Variants in PODN observed in about 807,000 individuals in gnomAD.
PODN encodes podocan proteoglycan.
In PODN, 40 loss-of-function variants were observed where a neutral mutation model predicts 52.7. The ratio of observed to expected loss-of-function variants is 0.76; its 90% CI spans 0.59 to 0.99. PODN has a LOEUF of 0.99. Among genes scored for constraint, PODN ranks in the 50% least tolerant of loss-of-function variants. PODN has a pLI of 0.00. For missense variants in PODN, 720 were observed against 815.1 expected (o/e 0.88, Z 1.42); for synonymous variants, 396 against 377.9 (o/e 1.05, Z -0.56).
intron 1 of PODN, 94 bp from the exon 2 acceptor site, chr1:53,069,707 C>T (rs1644082864): frequency 6.8e-7 from 1 of 1,468,960 alleles, no homozygotes; most frequent in African/African-American, 1.4e-5. Context: ...ATCGGCTGGG[C>T]TCTGAGGACA....
intron 1 of PODN, chr1:53,063,249 G>C (rs1417445490): frequency 1.7e-6 from 1 of 593,098 alleles, no homozygotes; most frequent in Non-Finnish European, 2.1e-6. Flanking sequence ...AGCAAGGGGC[G>C]AGCACCCCGG....
rs780959803 is a variant in PODN at position 53,078,753 on chromosome 1, C to A, written c.1243C>A (p.Arg415Ser). The A allele has an allele frequency of 1.2e-6, 2 of 1,613,424 alleles. No homozygotes were observed. The highest frequency in any genetic ancestry group is 1.3e-5 in the African/African-American group (1 of 75,070). The change falls in exon 8 of 11, where the codon CGC becomes AGC. Residue 415 changes from arginine (R) to serine (S), a missense_variant. Coordinates refer to ENST00000312553, the MANE Select transcript of PODN (RefSeq NM_153703.5). ...GGAGGAGCTCAACCTCAGCTACAAC[C>A]GCATCACCAGCCCGCAGGTGCACCG... The part of the protein sequence containing the change: ...FLEELNLSYN[R>S]ITSPQVHRDA...
chr1:53,075,985 G>C lies in PODN; in HGVS notation c.581+14G>C. ...GCCAAACTTGAGGTCAGAGGTCGGG[G>C]GTGGTCAGGGCTCGGGCTGGGGCAA... On this transcript the variant is annotated intron_variant, in intron 5 of 10. Transcript: ENST00000312553. The C allele has an allele frequency of 2.6e-6, 4 of 1,560,950 alleles. No individual in the cohort carries two copies. The highest frequency in any genetic ancestry group is 3.5e-6 in the Non-Finnish European group (4 of 1,148,202).
chr1:53,076,313 G>A (rs747676177), intron 5 of PODN, among the ~76,000 whole-genome samples: 7 of 152,230 alleles, frequency 4.6e-5, no homozygotes, highest in Non-Finnish European at 8.8e-5. Context: ...GAGCAGTGTG[G>A]TGCAGGCGGG....
At chr1:53,065,767 A>C (rs769915389) in intron 1 of PODN, among the ~76,000 whole-genome samples, 1 of 152,060 alleles carries the variant, frequency 6.6e-6, no homozygotes, top group Non-Finnish European at 1.5e-5. Flanking sequence ...CCTAGTCCCT[A>C]TCCCCCACCT....
At chr1:53,067,030 G>A (rs943078530) in intron 1 of PODN, among the ~76,000 whole-genome samples, 5 of 152,208 alleles carry the variant, frequency 3.3e-5, no homozygotes, top group African/African-American at 1.2e-4. Context: ...TGGCTGTTGA[G>A]CTGGCCGTGG....
In PODN at chr1:53,069,927, C is replaced by G; in HGVS notation, c.72C>G (p.Ala24=). 1.3e-6 allele frequency: 2 copies of G among 1,579,894 alleles called. No homozygotes were observed. Among genetic ancestry groups the G allele is most frequent in the Non-Finnish European group, 1.7e-6 (2 of 1,163,368 alleles). ...PPQLHLGPVL[A]VRAPGFGRSG... ...AGCTGCACCTGGGACCTGTGCTTGC[C>G]GTGAGGGCCCCAGGATTTGGCCGAA... Residue 24 remains alanine, a synonymous_variant, in exon 2 of 11, where the codon GCC becomes GCG. Coordinates refer to ENST00000312553, the MANE Select transcript of PODN (RefSeq NM_153703.5).
chr1:53,066,705 C>A, intron 1 of PODN: 1 of 1,015,804 alleles, frequency 9.8e-7, no homozygotes, highest in Non-Finnish European at 1.4e-6. Context: ...CAGCTGTTCA[C>A]TGGCTGACCC....
intron 9 of PODN, among the ~76,000 whole-genome samples, chr1:53,081,746 C>G (rs763577680): frequency 6.6e-6 from 1 of 152,188 alleles, no homozygotes. Context: ...GAGAGAGACC[C>G]CTCACTTTGC....
rs755091560 is a variant in PODN, at chr1:53,080,770, G to C, written c.1555G>C (p.Gly519Arg). The C allele has an allele frequency of 6.2e-7, 1 of 1,614,098 alleles. No individual in the cohort carries two copies. The highest frequency in any genetic ancestry group is 2.2e-5 in the East Asian group (1 of 44,876). The change falls in exon 9 of 11, where the codon GGG (glycine) becomes CGG (arginine). Residue 519 changes from glycine (G) to arginine (R), a missense_variant. Physicochemically the swap from Gly to Arg is moderately radical, Grantham distance 125. Transcript: ENST00000312553. ...AGNQLTEIPE[G>R]LPESLEYLYL... ...GAATCAGCTCACAGAGATCCCCGAG[G>C]GGCTCCCCGAGTCACTTGAGTACCT...
In PODN at chr1:53,074,588, G is replaced by A. The variant is rs748369733; in HGVS notation, c.407-18G>A. ...GTCTCCTCCATCCAGGGCTCTGACC[G>A]ATGCCTGTCCTTTGAAGGGCTCCCA... On this transcript the variant is annotated intron_variant, in intron 3 of 10. Transcript: ENST00000312553. 48 of 1,613,602 alleles carry A rather than the reference G, an allele frequency of 3.0e-5. No homozygotes were observed. The highest frequency in any genetic ancestry group is 3.3e-5 in the Admixed American group (2 of 59,996).
chr1:53,080,603 A>AC (rs1191671499), intron 8 of PODN, 125 bp from the exon 9 acceptor site: 19 of 1,012,480 alleles, frequency 1.9e-5, no homozygotes, highest in Middle Eastern at 3.0e-4. Context: ...AATTATAGAC[A>AC]CCCCCCCTCC....
chr1:53,076,032 C>G, intron 5 of PODN, 61 bp downstream of exon 5: 1 of 1,364,014 alleles, frequency 7.3e-7, no homozygotes, highest in South Asian at 1.2e-5. Context: ...GAGGTGGAGG[C>G]TGCCATCCTG....
chr1:53,080,012 A>G (rs1389630109), intron 8 of PODN, among the ~76,000 whole-genome samples: 4 of 151,150 alleles, frequency 2.6e-5, no homozygotes, highest in African/African-American at 9.7e-5. Context: ...AAAAAAAAAA[A>G]AAAAAAAGGA....
intron 8 of PODN, 97 bp from the exon 9 acceptor site, chr1:53,080,631 T>G: frequency 2.2e-6 from 3 of 1,339,104 alleles, no homozygotes; most frequent in Non-Finnish European, 3.1e-6. Context: ...AGGGTTATTG[T>G]TAGATTTAGA....
intron 4 of PODN, 80 bp downstream of exon 4, chr1:53,074,750 C>T: frequency 7.0e-7 from 1 of 1,430,736 alleles, no homozygotes; most frequent in Non-Finnish European, 9.7e-7. Context: ...GAACTTTCAC[C>T]AGGGCCTTTC....
chr1:53,075,981 C>A lies in PODN; in HGVS notation c.581+10C>A, dbSNP rs568302831. 1.3e-6 allele frequency: 2 copies of A among 1,564,450 alleles called. No individual in the cohort carries two copies. The highest frequency in any genetic ancestry group is 1.2e-5 in the South Asian group (1 of 85,888). On this transcript the variant is annotated intron_variant, in intron 5 of 10. Coordinates refer to ENST00000312553, the MANE Select transcript of PODN (RefSeq NM_153703.5). ...AGAAGCCAAACTTGAGGTCAGAGGTCGGGGGTGGTCAGGGCTCGGGCTGGG... is the reference window on the plus strand; with the variant it reads ...AGAAGCCAAACTTGAGGTCAGAGGTAGGGGGTGGTCAGGGCTCGGGCTGGG...
chr1:53,075,957 G>C lies in PODN; in HGVS notation c.567G>C (p.Gln189His). ...AGATCTATGGGCTCACCTTTGGCCA[G>C]AAGCCAAACTTGAGGTCAGAGGTCG... ...LTKIYGLTFGQKPNLRSVYLH... is the reference protein window; with the variant it reads ...LTKIYGLTFGHKPNLRSVYLH... Residue 189 changes from glutamine to histidine, a missense_variant, in exon 5 of 11, where the codon CAG (glutamine) becomes CAC (histidine). Gln to His is a conservative substitution (Grantham distance 24, BLOSUM62 0). Transcript: ENST00000312553. 1 of 1,593,296 alleles carries C rather than the reference G, an allele frequency of 6.3e-7. No individual in the cohort carries two copies. Among genetic ancestry groups the C allele is most frequent in the Non-Finnish European group, 8.6e-7 (1 of 1,167,750 alleles).
At position 53,069,728 on chromosome 1, in the gene PODN, G is replaced by C. The variant is rs1389156169; in HGVS notation, c.-55-73G>C. On this transcript the variant is annotated intron_variant, in intron 1 of 10. Transcript: ENST00000312553. ...TGGGCTCTGAGGACAGTCCAGAGTG[G>C]GCCCTGCTTTGTGCTCGGGAGGGCC... 5 of 1,504,830 alleles carry C rather than the reference G, an allele frequency of 3.3e-6. No homozygotes were observed. The East Asian group carries it at 9.9e-5, about 30-fold the overall frequency. The allele number at this position is 1,504,830 out of a possible 1,614,324, so 93.2% of individuals were successfully genotyped here. A position where few individuals can be genotyped will look rare whatever the true frequency, so the allele number is the denominator to read the frequency against.
Sources: allele counts gnomAD v4.1 joint callset (sites outside exome capture counted in the v4.1 genomes callset), GRCh38; gene constraint gnomAD v4.1.1; transcripts MANE v1.5; gene names NCBI Gene and HGNC (gene_info 2026-07-23, HGNC 2026-07-21).